Variants in CNTN5 observed in about 807,000 individuals in gnomAD.
CNTN5 encodes contactin-5.
A neutral mutation model predicts 129.1 loss-of-function variants in CNTN5; 77 were observed. That is an observed-to-expected ratio of 0.60 (90% CI 0.50 to 0.72). The LOEUF (loss-of-function observed/expected upper bound fraction) is 0.72, where lower values mean the gene tolerates loss of function less well. CNTN5 is among the 30% of genes least tolerant of loss of function. CNTN5 has a pLI of 0.00. For missense variants in CNTN5, 1,478 were observed against 1,328.8 expected (o/e 1.11, Z -1.75); for synonymous variants, 509 against 465.6 (o/e 1.09, Z -1.20).
At chr11:99,917,247 C>A (rs191911834) in intron 7 of CNTN5, among the ~76,000 whole-genome samples, 1 of 151,862 alleles carries the variant, frequency 6.6e-6, no homozygotes, top group Admixed American at 6.6e-5. Flanking sequence ...TGAGTTGTAC[C>A]ACTCCAATTC....
intron 8 of CNTN5, among the ~76,000 whole-genome samples, chr11:99,988,166 G>T (rs1938813555): frequency 6.6e-6 from 1 of 152,220 alleles, no homozygotes. Context: ...ATCAGGAGCT[G>T]CCACATCTTG....
intron 3 of CNTN5, among the ~76,000 whole-genome samples, chr11:99,606,696 T>C (rs1231612683): frequency 7.1e-6 from 1 of 139,868 alleles, no homozygotes; most frequent in Non-Finnish European, 1.6e-5. Flanking sequence ...GACTTCAAAC[T>C]ATACTACAAG....
intron 21 of CNTN5, among the ~76,000 whole-genome samples, chr11:100,315,571 A>C (rs1216169): frequency 0.48 from 72,695 of 151,988 alleles, 19,669 homozygotes; most frequent in East Asian, 0.92. Flanking sequence ...TTTAAAAGGT[A>C]ACAATTAGGC....
intron 3 of CNTN5, among the ~76,000 whole-genome samples, chr11:99,800,212 A>T (rs958021072): frequency 1.2e-4 from 18 of 151,766 alleles, no homozygotes; most frequent in Non-Finnish European, 1.5e-4. Flanking sequence ...CTTTAATTTC[A>T]TTGTTTACTT....
chr11:100,150,977 G>A (rs1470498317), intron 13 of CNTN5, among the ~76,000 whole-genome samples: 1 of 152,022 alleles, frequency 6.6e-6, no homozygotes, highest in African/African-American at 2.4e-5. Flanking sequence ...CTCTGCTTGA[G>A]GACACGGTAA....
chr11:100,082,283 G>T (rs1299827910), intron 13 of CNTN5, among the ~76,000 whole-genome samples: 1 of 152,082 alleles, frequency 6.6e-6, no homozygotes, highest in African/African-American at 2.4e-5. Flanking sequence ...TAGAAGCATT[G>T]TAGGTTTGCT....
intron 2 of CNTN5, among the ~76,000 whole-genome samples, chr11:99,341,143 A>G (rs1443903578): frequency 6.6e-6 from 1 of 152,168 alleles, no homozygotes; most frequent in Non-Finnish European, 1.5e-5. Flanking sequence ...ACCATCTTGT[A>G]ACTGGAAGAG....
chr11:99,724,245 T>C (rs781544469), intron 3 of CNTN5, among the ~76,000 whole-genome samples: 2 of 152,106 alleles, frequency 1.3e-5, no homozygotes, highest in Non-Finnish European at 2.9e-5. Flanking sequence ...TTCTAAGACA[T>C]TTCAAGTGGG....
chr11:100,062,010 A>T (rs1055782813), intron 10 of CNTN5, among the ~76,000 whole-genome samples: 11 of 152,252 alleles, frequency 7.2e-5, no homozygotes, highest in African/African-American at 2.7e-4. Flanking sequence ...CAAAAATGCC[A>T]GTCAACCAGG....
intron 4 of CNTN5, among the ~76,000 whole-genome samples, chr11:99,823,882 C>G (rs1946874399): frequency 6.6e-6 from 1 of 151,924 alleles, no homozygotes; most frequent in South Asian, 2.1e-4. Flanking sequence ...CTATAAAGTA[C>G]ATGTACTGTT....
chr11:99,902,202 G>A (rs996489666), intron 6 of CNTN5, among the ~76,000 whole-genome samples: 3 of 149,608 alleles, frequency 2.0e-5, no homozygotes, highest in East Asian at 3.9e-4. Context: ...CCAGAGCGTG[G>A]ATCTACTCCT....
At chr11:99,698,632 C>T (rs1591495798) in intron 3 of CNTN5, among the ~76,000 whole-genome samples, 1 of 151,628 alleles carries the variant, frequency 6.6e-6, no homozygotes, top group Non-Finnish European at 1.5e-5. Flanking sequence ...CTTTTGAACA[C>T]ATTGTTTCAG....
At chr11:99,183,249 CCT>C (rs1487118948) in intron 1 of CNTN5, among the ~76,000 whole-genome samples, 5 of 152,120 alleles carry the variant, frequency 3.3e-5, no homozygotes, top group Admixed American at 3.3e-4. Flanking sequence ...GATGAAATTT[CCT>C]CTGATACTGT....
chr11:99,255,616 A>G (rs928946325), intron 1 of CNTN5, among the ~76,000 whole-genome samples: 4 of 151,762 alleles, frequency 2.6e-5, no homozygotes, highest in African/African-American at 9.7e-5. Flanking sequence ...GACCACAAAA[A>G]AATTTACATC....
chr11:99,950,630 T>C (rs1007933023), intron 7 of CNTN5, among the ~76,000 whole-genome samples: 1 of 152,218 alleles, frequency 6.6e-6, no homozygotes, highest in Non-Finnish European at 1.5e-5. Flanking sequence ...TTAAATCCAA[T>C]TGTACGAGGT....
chr11:99,255,100 A>T (rs1011568216), intron 1 of CNTN5, among the ~76,000 whole-genome samples: 6 of 151,942 alleles, frequency 3.9e-5, no homozygotes, highest in Non-Finnish European at 8.8e-5. Flanking sequence ...TATTATATAT[A>T]TATTATACTT....
rs796751648 is a variant in CNTN5 at position 99,598,258 on chromosome 11, CCTTTT to C, written c.55+42052_55+42056del. ...TCTTTCCTTCCTTTTTCTTAGCTTT[CCTTTT>C]CTTTTCTTTTCTTTTCTTTTCTTTT... On this transcript the variant is annotated intron_variant, in intron 3 of 24. Transcript: ENST00000524871. Among the ~76,000 whole-genome samples the C allele has an allele frequency of 1.8e-3, 170 of 93,584 alleles. 2 individuals are homozygous for C. Among genetic ancestry groups the C allele is most frequent in the African/African-American group, 6.8e-3 (162 of 23,660 alleles). 61.4% of individuals were successfully genotyped at this position (93,584 alleles called of 152,430 possible).
intron 6 of CNTN5, among the ~76,000 whole-genome samples, chr11:99,857,374 A>C (rs1002617487): frequency 2.0e-5 from 3 of 152,126 alleles, no homozygotes; most frequent in Admixed American, 6.6e-5. Context: ...AGTAGCCACT[A>C]CCCTCAAAAA....
At position 99,330,060 on chromosome 11, in the gene CNTN5, C is replaced by T. The variant is rs1192444400; in HGVS notation, c.-71+4576C>T. Among the ~76,000 whole-genome samples, 3 of 146,108 alleles carry T rather than the reference C, an allele frequency of 2.1e-5. No homozygotes were observed. The Admixed American group carries it at 2.1e-4, about 10-fold the overall frequency. ...TTTTTAACCACCGAGTGGACTGAAACTTACTGAAAGTCTCGTAAGACTTAA... is the reference window on the plus strand; with the variant it reads ...TTTTTAACCACCGAGTGGACTGAAATTTACTGAAAGTCTCGTAAGACTTAA... On this transcript the variant is annotated intron_variant, in intron 2 of 24. Transcript: ENST00000524871.
Sources: gnomAD v4.1 joint callset for allele counts (sites outside exome capture counted in the v4.1 genomes callset) on GRCh38, gnomAD v4.1.1 for gene constraint, MANE v1.5 for transcripts, NCBI Gene and HGNC (gene_info 2026-07-23, HGNC 2026-07-21) for gene names.